The following NEK11 variants were observed in gnomAD, a reference collection of about 807,000 sequenced individuals.
The protein encoded by NEK11 is serine/threonine-protein kinase Nek11.
In NEK11, 72 loss-of-function variants were observed where a neutral mutation model predicts 80.7. The observed-to-expected ratio is 0.89, with a 90% CI of 0.74 to 1.08. The LOEUF is 1.08. Ranked by LOEUF, NEK11 falls within the 50% of genes least tolerant of loss-of-function variation. The pLI is 0.00. For missense variants in NEK11, 764 were observed against 763.6 expected (o/e 1.00, Z -0.01); for synonymous variants, 251 against 260.7 (o/e 0.96, Z 0.36).
intron 14 of NEK11, among the ~76,000 whole-genome samples, chr3:131,223,302 T>C (rs1014836936): frequency 4.6e-5 from 7 of 152,110 alleles, no homozygotes; most frequent in Admixed American, 2.0e-4. Flanking sequence ...ACCAAATTAG[T>C]GGTGCTTACT....
At position 131,148,528 on chromosome 3, in the gene NEK11, A is replaced by T. The variant is rs2149772076; in HGVS notation, c.648-3860A>T. Reference sequence around the variant, plus strand: ...TTTTCTGTATTCAACAAATATCTATATTGAGAAGATAAAGGTAGCCACTGT... The same window carrying T: ...TTTTCTGTATTCAACAAATATCTATTTTGAGAAGATAAAGGTAGCCACTGT... On this transcript the variant is annotated intron_variant, in intron 7 of 17. Transcript: ENST00000383366. 2.6e-5 allele frequency among the ~76,000 whole-genome samples: 4 copies of T among 152,040 alleles called. 1 individual carries two copies. In the South Asian group the frequency reaches 8.3e-4, roughly 32 times the overall value.
intron 14 of NEK11, among the ~76,000 whole-genome samples, chr3:131,208,237 T>G (rs144087471): frequency 0.01 from 1,533 of 152,296 alleles, 28 homozygotes; most frequent in African/African-American, 0.034. Flanking sequence ...TTTCCCCATT[T>G]CTTGTTTTTG....
intron 14 of NEK11, among the ~76,000 whole-genome samples, chr3:131,217,051 T>G (rs113380572): frequency 2.6e-5 from 4 of 152,282 alleles, no homozygotes; most frequent in African/African-American, 9.6e-5. Flanking sequence ...TGAGCTCCAA[T>G]GAGCAATCTT....
At chr3:131,342,916 T>TA (rs1489138661) in intron 17 of NEK11, among the ~76,000 whole-genome samples, 1 of 152,052 alleles carries the variant, frequency 6.6e-6, no homozygotes, top group Admixed American at 6.5e-5. Context: ...CCTCAATTTT[T>TA]AAAAAAGAAA....
intron 17 of NEK11, among the ~76,000 whole-genome samples, chr3:131,292,153 C>T (rs1299235940): frequency 1.3e-5 from 2 of 152,140 alleles, no homozygotes; most frequent in African/African-American, 4.8e-5. Context: ...TACGGTTGTT[C>T]CAGCACCATT....
chr3:131,165,241 G>A, intron 11 of NEK11, 185 bp from the exon 12 acceptor site: 1 of 554,222 alleles, frequency 1.8e-6, no homozygotes, highest in Non-Finnish European at 3.3e-6. Context: ...AGTATCTTGT[G>A]TGTGCTTTAA....
At chr3:131,159,997 A>G (rs1469480990) in intron 10 of NEK11, among the ~76,000 whole-genome samples, 1 of 152,242 alleles carries the variant, frequency 6.6e-6, no homozygotes. Flanking sequence ...TACATTGCAT[A>G]GAAACATAGA....
intron 17 of NEK11, among the ~76,000 whole-genome samples, chr3:131,303,383 G>T (rs2096683882): frequency 6.6e-6 from 1 of 152,102 alleles, no homozygotes; most frequent in Non-Finnish European, 1.5e-5. Flanking sequence ...ATTAGCTGGG[G>T]TTATTATATA....
At chr3:131,266,220 C>T (rs2108557669) in intron 16 of NEK11, among the ~76,000 whole-genome samples, 1 of 152,230 alleles carries the variant, frequency 6.6e-6, no homozygotes. Context: ...CAGTTTTGCT[C>T]TGATCTTAGT....
At chr3:131,281,049 C>T (rs1328078568) in intron 17 of NEK11, among the ~76,000 whole-genome samples, 1 of 152,228 alleles carries the variant, frequency 6.6e-6, no homozygotes, top group East Asian at 1.9e-4. Flanking sequence ...GCTCAGTAAT[C>T]TCCTCACATG....
chr3:131,105,317 A>C (rs761649014), intron 4 of NEK11, among the ~76,000 whole-genome samples: 3 of 152,234 alleles, frequency 2.0e-5, no homozygotes, highest in Non-Finnish European at 4.4e-5. Flanking sequence ...ATGAAATTCT[A>C]ATTTCCCTTC....
intron 4 of NEK11, among the ~76,000 whole-genome samples, chr3:131,093,308 T>C (rs1388415201): frequency 1.3e-5 from 2 of 152,260 alleles, no homozygotes; most frequent in Non-Finnish European, 2.9e-5. Context: ...TTGGTTTTCT[T>C]AGTTTCTGGC....
At chr3:131,066,098 GC>G (rs1454981058) in intron 3 of NEK11, among the ~76,000 whole-genome samples, 131 of 152,268 alleles carry the variant, frequency 8.6e-4, no homozygotes, top group Non-Finnish European at 1.9e-4. Context: ...TATCAGATGG[GC>G]TGAAATCATG....
chr3:131,069,088 A>T (rs1440493788), intron 3 of NEK11, among the ~76,000 whole-genome samples: 1 of 152,314 alleles, frequency 6.6e-6, no homozygotes, highest in African/African-American at 2.4e-5. Context: ...AACCACTGCT[A>T]TTATAAACAA....
intron 3 of NEK11, among the ~76,000 whole-genome samples, chr3:131,046,385 A>G (rs1274884177): frequency 6.6e-6 from 1 of 152,190 alleles, no homozygotes; most frequent in Non-Finnish European, 1.5e-5. Flanking sequence ...CACTGAATAC[A>G]AAATTCCTGG....
At chr3:131,096,119 T>C (rs2077391076) in intron 4 of NEK11, among the ~76,000 whole-genome samples, 1 of 152,070 alleles carries the variant, frequency 6.6e-6, no homozygotes, top group African/African-American at 2.4e-5. Flanking sequence ...GTTACATGGG[T>C]ATATTGCACC....
At chr3:131,165,582 G>A in intron 12 of NEK11, 63 bp downstream of exon 12, 1 of 964,256 alleles carries the variant, frequency 1.0e-6, no homozygotes, top group East Asian at 2.6e-5. Context: ...TCATGGCGAT[G>A]ATTGGGTAGG....
intron 16 of NEK11, among the ~76,000 whole-genome samples, chr3:131,258,827 C>T (rs1443152359): frequency 6.6e-6 from 1 of 152,058 alleles, no homozygotes; most frequent in Non-Finnish European, 1.5e-5. Context: ...AGCAAGTTTG[C>T]TTTTCCCAAG....
intron 14 of NEK11, among the ~76,000 whole-genome samples, chr3:131,198,811 T>G (rs919908620): frequency 6.6e-6 from 1 of 152,226 alleles, no homozygotes; most frequent in Admixed American, 6.5e-5. Context: ...TGCTTCTGCC[T>G]CAGGTGTCCA....
Sources: allele counts gnomAD v4.1 joint callset (sites outside exome capture counted in the v4.1 genomes callset), GRCh38; gene constraint gnomAD v4.1.1; transcripts MANE v1.5; gene names NCBI Gene and HGNC (gene_info 2026-07-23, HGNC 2026-07-21).